The following PRDM11 variants were observed in gnomAD, a reference collection of about 807,000 sequenced individuals.
PRDM11 encodes PR/SET domain 11, also known as PR domain-containing protein 11.
PRDM11 carries 20 observed loss-of-function variants against 97.8 expected under a neutral mutation model. That is an observed-to-expected ratio of 0.20 (90% CI 0.14 to 0.30). PRDM11 has a LOEUF of 0.30. Ranked by LOEUF, PRDM11 falls within the 10% of genes least tolerant of loss-of-function variation. The pLI is 1.00. For missense variants in PRDM11, 1,139 were observed against 1,555.2 expected, an observed-to-expected ratio of 0.73 and a Z score of 4.50; for synonymous variants, 599 against 637.7, an observed-to-expected ratio of 0.94 and a Z score of 0.91.
At chr11:45,217,526 G>A (rs551961079) in intron 5 of PRDM11, among the ~76,000 whole-genome samples, 2 of 152,292 alleles carry the variant, frequency 1.3e-5, no homozygotes, top group East Asian at 3.9e-4. Context: ...TGGAGCCTGT[G>A]GCTTGCTTCT....
chr11:45,113,363 T>C (rs112707453), intron 1 of PRDM11, among the ~76,000 whole-genome samples: 71 of 152,358 alleles, frequency 4.7e-4, no homozygotes, highest in African/African-American at 1.7e-3. Context: ...AGCCTTATAA[T>C]ATAGTTTGAA....
intron 1 of PRDM11, among the ~76,000 whole-genome samples, chr11:45,137,194 G>C (rs1232877100): frequency 2.1e-5 from 3 of 143,714 alleles, no homozygotes; most frequent in Non-Finnish European, 4.5e-5. Context: ...CAAACAGATG[G>C]GGCCGAGGCA....
intron 1 of PRDM11, among the ~76,000 whole-genome samples, chr11:45,175,874 T>C (rs759385156): frequency 5.9e-5 from 9 of 152,244 alleles, no homozygotes; most frequent in Non-Finnish European, 1.3e-4. Context: ...GGAGAAATGA[T>C]ATTTATTTGT....
At chr11:45,128,117 G>C (rs1030994948) in intron 1 of PRDM11, among the ~76,000 whole-genome samples, 3 of 152,232 alleles carry the variant, frequency 2.0e-5, no homozygotes, top group Non-Finnish European at 4.4e-5. Flanking sequence ...CTAGCAATCA[G>C]TGAGACTCTG....
At chr11:45,101,529 C>T (rs1395233663) in intron 1 of PRDM11, among the ~76,000 whole-genome samples, 1 of 141,044 alleles carries the variant, frequency 7.1e-6, no homozygotes, top group Non-Finnish European at 1.5e-5. Context: ...GCACTGCAGC[C>T]TGGGTGACAG....
At chr11:45,115,993 A>G (rs1167284412) in intron 1 of PRDM11, among the ~76,000 whole-genome samples, 2 of 152,146 alleles carry the variant, frequency 1.3e-5, no homozygotes, top group Non-Finnish European at 2.9e-5. Flanking sequence ...CAGGTTAAAC[A>G]TGTTTTAAAA....
chr11:45,129,352 A>C lies in PRDM11; in HGVS notation c.96+33451A>C, dbSNP rs1025144132. Among the ~76,000 whole-genome samples the C allele has an allele frequency of 9.8e-5, 15 of 152,318 alleles. No homozygotes were observed. In the East Asian group the frequency reaches 2.5e-3, roughly 25 times the overall value. ...GTATGAGACTTAAAACGAAAGAATA[A>C]AACTATTATTTGCTCACATACATGG... On this transcript the variant is annotated intron_variant, in intron 1 of 6. Transcript: ENST00000530656.
chr11:45,110,893 T>C (rs1468791375), intron 1 of PRDM11, among the ~76,000 whole-genome samples: 4 of 152,144 alleles, frequency 2.6e-5, no homozygotes, highest in African/African-American at 9.7e-5. Context: ...GAGAAGACAA[T>C]CAGCTCTCCA....
At chr11:45,115,180 A>T (rs995599526) in intron 1 of PRDM11, among the ~76,000 whole-genome samples, 3 of 151,858 alleles carry the variant, frequency 2.0e-5, no homozygotes, top group Non-Finnish European at 4.4e-5. Context: ...TATATATATA[A>T]AATAAAATTA....
chr11:45,167,357 G>C (rs1852089160), intron 1 of PRDM11, among the ~76,000 whole-genome samples: 1 of 152,122 alleles, frequency 6.6e-6, no homozygotes, highest in South Asian at 2.1e-4. Context: ...AGGTCACATA[G>C]TGTAGGTGCT....
At chr11:45,124,996 G>A (rs1163861278) in intron 1 of PRDM11, among the ~76,000 whole-genome samples, 1 of 152,106 alleles carries the variant, frequency 6.6e-6, no homozygotes, top group African/African-American at 2.4e-5. Flanking sequence ...GTAAGCTATT[G>A]ATTATTGCCA....
intron 4 of PRDM11, among the ~76,000 whole-genome samples, chr11:45,183,393 C>T (rs892425740): frequency 2.0e-5 from 3 of 152,158 alleles, no homozygotes; most frequent in African/African-American, 7.2e-5. Flanking sequence ...CATGAATCCT[C>T]ATGTGTGTGT....
chr11:45,225,222 G>A, intron 7 of PRDM11: 1 of 938,888 alleles, frequency 1.1e-6, no homozygotes, highest in Non-Finnish European at 1.4e-6. Context: ...GAGATCTCTT[G>A]GCTTCCCTAA....
chr11:45,148,610 G>A (rs930737728), intron 1 of PRDM11, among the ~76,000 whole-genome samples: 2 of 152,154 alleles, frequency 1.3e-5, no homozygotes, highest in Non-Finnish European at 2.9e-5. Context: ...AGGAGTCCTA[G>A]ATTGGTCATG....
chr11:45,180,729 C>A (rs1200832517), intron 1 of PRDM11, among the ~76,000 whole-genome samples: 1 of 149,920 alleles, frequency 6.7e-6, no homozygotes, highest in Non-Finnish European at 1.5e-5. Flanking sequence ...AGCTCCCCGC[C>A]GGGAAGGCTG....
chr11:45,181,578 G>A (rs890197355), intron 1 of PRDM11, among the ~76,000 whole-genome samples, 183 bp from the exon 2 acceptor site: 2 of 152,186 alleles, frequency 1.3e-5, no homozygotes, highest in African/African-American at 4.8e-5. Flanking sequence ...GGATAGAAAC[G>A]GCATTTCCTC....
chr11:45,225,024 G>C (rs1854239129), intron 7 of PRDM11, 181 bp downstream of exon 7: 1 of 1,455,380 alleles, frequency 6.9e-7, no homozygotes, highest in Admixed American at 2.7e-5. Flanking sequence ...CCCATCGGCA[G>C]CTCTGCCAGG....
chr11:45,187,999 C>G (rs980105688), intron 4 of PRDM11, among the ~76,000 whole-genome samples: 1 of 152,014 alleles, frequency 6.6e-6, no homozygotes, highest in Non-Finnish European at 1.5e-5. Context: ...GCCCCATATC[C>G]TAAATAAACT....
chr11:45,153,506 C>T (rs1333884605), intron 1 of PRDM11, among the ~76,000 whole-genome samples: 1 of 152,218 alleles, frequency 6.6e-6, no homozygotes, highest in Non-Finnish European at 1.5e-5. Flanking sequence ...AGTCTTGGGC[C>T]ATCTCCTGGG....
Sources: gnomAD v4.1 joint callset for allele counts (sites outside exome capture counted in the v4.1 genomes callset) on GRCh38, gnomAD v4.1.1 for gene constraint, MANE v1.5 for transcripts, NCBI Gene and HGNC (gene_info 2026-07-23, HGNC 2026-07-21) for gene names.